The following SLC1A2 variants were observed in gnomAD, a reference collection of about 807,000 sequenced individuals.
SLC1A2 encodes excitatory amino acid transporter 2.
Under a neutral mutation model 48.8 loss-of-function variants are expected in SLC1A2, and 15 were observed. The observed-to-expected ratio is 0.31, with a 90% confidence interval of 0.21 to 0.47. The LOEUF (loss-of-function observed/expected upper bound fraction) is 0.47. SLC1A2 is among the 20% of genes least tolerant of loss of function. SLC1A2 has a pLI of 0.99. For synonymous variants in SLC1A2, 279 were observed against 272.6 expected, an observed-to-expected ratio of 1.02 and a Z score of -0.23; for missense variants, 502 against 730.5, an observed-to-expected ratio of 0.69 and a Z score of 3.61.
intron 1 of SLC1A2, among the ~76,000 whole-genome samples, chr11:35,398,511 A>G (rs1213068286): frequency 6.6e-6 from 1 of 152,148 alleles, no homozygotes; most frequent in Non-Finnish European, 1.5e-5. Flanking sequence ...GGTCTACTTG[A>G]GGGTGGAGGG....
intron 1 of SLC1A2, among the ~76,000 whole-genome samples, chr11:35,369,162 G>C (rs1005002397): frequency 1.3e-5 from 2 of 152,148 alleles, no homozygotes; most frequent in African/African-American, 2.4e-5. Flanking sequence ...CTCTGGAGTG[G>C]ATAATATGTG....
At chr11:35,291,393 C>G (rs1203902755) in intron 7 of SLC1A2, 1 of 151,944 alleles carries the variant, frequency 6.6e-6, no homozygotes, top group Non-Finnish European at 1.5e-5. Context: ...TACCGAATAG[C>G]TGGGATTATA....
intron 9 of SLC1A2, among the ~76,000 whole-genome samples, chr11:35,266,899 G>A (rs1950493787): frequency 6.6e-6 from 1 of 152,174 alleles, no homozygotes; most frequent in Admixed American, 6.5e-5. Context: ...AGAATAATAA[G>A]GAAGCTGCAC....
intron 6 of SLC1A2, chr11:35,299,070 T>A (rs1379208279): frequency 1.3e-5 from 2 of 152,240 alleles, no homozygotes; most frequent in Non-Finnish European, 2.9e-5. Context: ...TTGGATGCGG[T>A]GGCTCATGCC....
intron 1 of SLC1A2, among the ~76,000 whole-genome samples, chr11:35,318,999 G>A (rs1292997095): frequency 1.3e-5 from 2 of 152,192 alleles, no homozygotes; most frequent in Non-Finnish European, 2.9e-5. Flanking sequence ...ATGACCAGAT[G>A]AGAATGTTAG....
chr11:35,405,874 C>T (rs1161354573), intron 1 of SLC1A2, among the ~76,000 whole-genome samples: 1 of 152,200 alleles, frequency 6.6e-6, no homozygotes, highest in African/African-American at 2.4e-5. Flanking sequence ...CATGACCCAA[C>T]AAGCAAAAGG....
intron 5 of SLC1A2, 68 bp downstream of exon 5, chr11:35,306,006 G>C: frequency 6.8e-7 from 1 of 1,467,370 alleles, no homozygotes; most frequent in South Asian, 1.2e-5. Flanking sequence ...TCAGTTTTCT[G>C]AAAAGGGAGT....
intron 1 of SLC1A2, among the ~76,000 whole-genome samples, chr11:35,318,911 T>C (rs376224031): frequency 3.3e-5 from 5 of 152,194 alleles, no homozygotes; most frequent in African/African-American, 1.2e-4. Context: ...GGAACCCAAA[T>C]ACAACTACTT....
rs1950273990 is a variant in SLC1A2 at position 35,253,713 on chromosome 11, T to C, written c.*7181A>G. On this transcript the variant is annotated 3_prime_UTR_variant, in exon 11 of 11. Transcript: ENST00000278379. ...CTTAAATTTGTCAAATGTGACTATATAGTCAAGAAACAATTGGTAGCTCTA... is the reference window on the plus strand; with the variant it reads ...CTTAAATTTGTCAAATGTGACTATACAGTCAAGAAACAATTGGTAGCTCTA... 1.3e-5 allele frequency: 2 copies of C among 152,650 alleles called. No individual in the cohort carries two copies. The highest frequency in any genetic ancestry group is 4.8e-5 in the African/African-American group (2 of 41,452). The allele number at this position is 152,650 out of a possible 1,614,324, so 9.5% of individuals were successfully genotyped here. A position where few individuals can be genotyped will look rare whatever the true frequency, so the allele number is the denominator to read the frequency against.
rs142480449 is a variant in SLC1A2 at position 35,355,561 on chromosome 11, G to C, written c.18-38045C>G. Reference sequence around the variant, plus strand: ...AAGTGGTCAATGCACCAGCTGTAGAGGGAGTGAGGCCAGTTATAGATCCAG... The same window carrying C: ...AAGTGGTCAATGCACCAGCTGTAGACGGAGTGAGGCCAGTTATAGATCCAG... On this transcript the variant is annotated intron_variant, in intron 1 of 10. Coordinates refer to ENST00000278379, the MANE Select transcript of SLC1A2 (RefSeq NM_004171.4). 2.9e-3 allele frequency among the ~76,000 whole-genome samples: 442 copies of C among 152,282 alleles called. 3 individuals carry two copies. The highest frequency in any genetic ancestry group is 0.01 in the African/African-American group (422 of 41,548).
intron 1 of SLC1A2, among the ~76,000 whole-genome samples, chr11:35,405,222 T>C (rs1053319147): frequency 1.3e-5 from 2 of 152,198 alleles, no homozygotes; most frequent in Admixed American, 6.5e-5. Flanking sequence ...CTAACATTTT[T>C]ATTTAGGTTG....
At chr11:35,333,827 A>ATTTT (rs373988431) in intron 1 of SLC1A2, among the ~76,000 whole-genome samples, 3 of 126,190 alleles carry the variant, frequency 2.4e-5, no homozygotes, top group Non-Finnish European at 3.3e-5. Flanking sequence ...ATGCCAGCTA[A>ATTTT]TTTTTTTTTT....
intron 8 of SLC1A2, among the ~76,000 whole-genome samples, chr11:35,281,411 A>G (rs1261241314): frequency 6.6e-6 from 1 of 152,222 alleles, no homozygotes; most frequent in East Asian, 1.9e-4. Context: ...CTCTGTGAGC[A>G]CCAGAGGCTT....
At chr11:35,412,424 A>T (rs1750677275) in intron 1 of SLC1A2, among the ~76,000 whole-genome samples, 1 of 152,230 alleles carries the variant, frequency 6.6e-6, no homozygotes, top group Non-Finnish European at 1.5e-5. Flanking sequence ...ATGAAATGCC[A>T]TGGGAATTGG....
intron 1 of SLC1A2, among the ~76,000 whole-genome samples, chr11:35,412,433 G>C (rs1855489822): frequency 6.6e-6 from 1 of 152,160 alleles, no homozygotes; most frequent in South Asian, 2.1e-4. Flanking sequence ...CATGGGAATT[G>C]GGATTCCCTA....
At chr11:35,325,079 C>T (rs1283954673) in intron 1 of SLC1A2, among the ~76,000 whole-genome samples, 1 of 152,208 alleles carries the variant, frequency 6.6e-6, no homozygotes, top group Non-Finnish European at 1.5e-5. Context: ...CATTTGATAA[C>T]TTCACACAAC....
chr11:35,386,897 A>G (rs1854600365), intron 1 of SLC1A2, among the ~76,000 whole-genome samples: 1 of 152,158 alleles, frequency 6.6e-6, no homozygotes, highest in Admixed American at 6.5e-5. Context: ...TTTCATTTTT[A>G]AAAAAGAACA....
chr11:35,383,543 C>T (rs1854495287), intron 1 of SLC1A2, among the ~76,000 whole-genome samples: 1 of 152,154 alleles, frequency 6.6e-6, no homozygotes, highest in African/African-American at 2.4e-5. Flanking sequence ...GTAACTAGGG[C>T]AAGTTACCCA....
At chr11:35,381,399 GACA>G (rs1854418294) in intron 1 of SLC1A2, among the ~76,000 whole-genome samples, 1 of 152,250 alleles carries the variant, frequency 6.6e-6, no homozygotes, top group Admixed American at 6.5e-5. Flanking sequence ...TGCCTGAAAG[GACA>G]ACAACCCAGA....
Sources: gnomAD v4.1 joint callset for allele counts (sites outside exome capture counted in the v4.1 genomes callset) on GRCh38, gnomAD v4.1.1 for gene constraint, MANE v1.5 for transcripts, NCBI Gene and HGNC (gene_info 2026-07-23, HGNC 2026-07-21) for gene names.